The following KLF16 variants were observed in gnomAD, a reference collection of about 807,000 sequenced individuals.
KLF16 encodes the protein Krueppel-like factor 16.
A neutral mutation model predicts 6.1 loss-of-function variants in KLF16; 6 were observed. That is an observed-to-expected ratio of 0.98 (90% CI 0.54 to 1.93). KLF16 has a LOEUF of 1.93. Among genes scored for constraint, KLF16 ranks in the 30% most tolerant of loss-of-function variants. KLF16 has a pLI of 0.01. For synonymous variants in KLF16, 211 were observed against 176.5 expected, an observed-to-expected ratio of 1.20 and a Z score of -1.55; for missense variants, 355 against 363.8, an observed-to-expected ratio of 0.98 and a Z score of 0.20.
chr19:1,867,327 T>C (rs769625397), upstream of KLF16, among the ~76,000 whole-genome samples: 6 of 152,118 alleles, frequency 3.9e-5, no homozygotes, highest in Non-Finnish European at 8.8e-5. Context: ...CCCAACACTT[T>C]AGGGGGCTGA....
intron 1 of KLF16, among the ~76,000 whole-genome samples, chr19:1,856,953 GGT>G (rs750271725): frequency 0.038 from 4,930 of 130,174 alleles, 1,008 homozygotes; most frequent in Non-Finnish European, 0.047. Context: ...AGGTTGCCGG[GGT>G]GGGGGGGGCG....
In KLF16 at chr19:1,863,108, G is replaced by A. The variant is rs372967466; in HGVS notation, c.390C>T (p.Pro130=). ...AGTAGGCTTTGGCGCAGTCCGGGAA[G>A]GGACAGCGGTGGCTCTTGGCGGCGG... The part of the protein sequence containing the change: ...PSAAAKSHRC[P]FPDCAKAYYK... Residue 130 remains proline, a synonymous_variant, in exon 1 of 2, where the codon CCC becomes CCT. Coordinates refer to ENST00000250916, the MANE Select transcript of KLF16 (RefSeq NM_031918.4). The A allele has an allele frequency of 5.8e-6, 8 of 1,374,992 alleles. No homozygotes were observed. In the African/African-American group the frequency reaches 1.1e-4, roughly 18 times the overall value. 85.2% of individuals were successfully genotyped at this position (1,374,992 alleles called of 1,614,324 possible). A position where few individuals can be genotyped will look rare whatever the true frequency, so the allele number is the denominator to read the frequency against.
chr19:1,869,146 G>A, the KLF16 span, among the ~76,000 whole-genome samples: 2 of 152,166 alleles, frequency 1.3e-5, no homozygotes, highest in Non-Finnish European at 2.9e-5. Flanking sequence ...GGAACAGAGA[G>A]CCCGGGGTTT....
the KLF16 span, among the ~76,000 whole-genome samples, chr19:1,874,374 A>G: frequency 6.6e-6 from 1 of 152,196 alleles, no homozygotes; most frequent in African/African-American, 2.4e-5. Flanking sequence ...AGTGGGGAAA[A>G]GAATGCTTTT....
In KLF16 at chr19:1,854,628, G is replaced by T. The variant is rs2145362643; in HGVS notation, c.590C>A (p.Thr197Asn). Residue 197 changes from threonine to asparagine, a missense_variant, in exon 2 of 2, where the codon ACC becomes AAC. By Grantham distance (65) the Thr-to-Asn change is moderately conservative. Coordinates refer to ENST00000250916, the MANE Select transcript of KLF16 (RefSeq NM_031918.4). ...FSCPLCSKRFTRSDHLAKHAR... is the reference protein window; with the variant it reads ...FSCPLCSKRFNRSDHLAKHAR... ...GTGCTTGGCCAGGTGGTCACTGCGG[G>T]TGAAGCGCTTGGAGCACAGAGGGCA... 6.3e-7 allele frequency: 1 copy of T among 1,598,974 alleles called. No homozygotes were observed.
upstream of KLF16, among the ~76,000 whole-genome samples, chr19:1,864,723 C>T (rs529446459): frequency 3.9e-5 from 6 of 152,332 alleles, no homozygotes; most frequent in South Asian, 1.2e-3. Flanking sequence ...TTCGGGCCTC[C>T]CGGCCGCGAG....
At position 1,854,684 on chromosome 19, in the gene KLF16, G is replaced by T; in HGVS notation, c.534C>A (p.His178Gln). ...FARSDELARH[H>Q]RTHTGEKRFS... The stretch of plus-strand genomic sequence containing the variant: ...AGCGCTTCTCGCCCGTGTGCGTCCG[G>T]TGGTGGCGGGCCAGCTCGTCGGAGC... The change falls in exon 2 of 2, where the codon CAC becomes CAA. Residue 178 changes from histidine (H) to glutamine (Q), a missense_variant. Physicochemically the swap from His to Gln is conservative, Grantham distance 24 (BLOSUM62 0). Transcript: ENST00000250916. 1 of 1,600,634 alleles carries T rather than the reference G, an allele frequency of 6.2e-7. No individual in the cohort carries two copies. The highest frequency in any genetic ancestry group is 8.5e-7 in the Non-Finnish European group (1 of 1,179,634).
chr19:1,857,444 G>A lies in KLF16; in HGVS notation c.458-2684C>T, dbSNP rs1404177903. ...GGGAGGGCAGTGTGGGCGGGGCCGC[G>A]GTGGACTTGACCCTCTGACTCAGGC... On this transcript the variant is annotated intron_variant, in intron 1 of 1. Coordinates refer to ENST00000250916, the MANE Select transcript of KLF16 (RefSeq NM_031918.4). This position sits in a 1 kb window ranked among gnomAD's most constrained non-coding sequence, Gnocchi z 4.7. Among the ~76,000 whole-genome samples, 3 of 152,224 alleles carry A rather than the reference G, an allele frequency of 2.0e-5. No homozygotes were observed. Among genetic ancestry groups the A allele is most frequent in the African/African-American group, 7.2e-5 (3 of 41,468 alleles).
At chr19:1,873,989 CG>C in the KLF16 span, among the ~76,000 whole-genome samples, 1 of 152,228 alleles carries the variant, frequency 6.6e-6, no homozygotes, top group Non-Finnish European at 1.5e-5. Flanking sequence ...CATCGCGCAC[CG>C]TGAATATCCA....
upstream of KLF16, among the ~76,000 whole-genome samples, chr19:1,864,958 G>C (rs1484899750): frequency 2.6e-5 from 4 of 152,200 alleles, no homozygotes; most frequent in African/African-American, 7.2e-5. Context: ...CCTGCTCTGG[G>C]TTGGGCATGG....
At chr19:1,874,529 C>G in the KLF16 span, among the ~76,000 whole-genome samples, 2 of 151,520 alleles carry the variant, frequency 1.3e-5, no homozygotes, top group Admixed American at 6.6e-5. Context: ...AAGAAAATCT[C>G]AAATGTTTTA....
At chr19:1,873,167 TC>T in the KLF16 span, among the ~76,000 whole-genome samples, 1 of 152,000 alleles carries the variant, frequency 6.6e-6, no homozygotes, top group African/African-American at 2.4e-5. Flanking sequence ...GCCGGGTGGG[TC>T]CCACCAGCTT....
At chr19:1,862,903 G>T in intron 1 of KLF16, 138 bp downstream of exon 1, 1 of 264,968 alleles carries the variant, frequency 3.8e-6, no homozygotes. Context: ...CCGAGGCCCC[G>T]CCCTGCCGGC....
rs1224092985 is a variant in KLF16, at chr19:1,863,578, G to A, written c.-81C>T. 17 of 660,602 alleles carry A rather than the reference G, an allele frequency of 2.6e-5. No homozygotes were observed. Among genetic ancestry groups the A allele is most frequent in the Non-Finnish European group, 3.1e-5 (17 of 540,396 alleles). 40.9% of individuals were successfully genotyped at this position (660,602 alleles called of 1,614,324 possible). A position where few individuals can be genotyped will look rare whatever the true frequency, so the allele number is the denominator to read the frequency against. On this transcript the variant is annotated 5_prime_UTR_variant, in exon 1 of 2. Coordinates refer to ENST00000250916, the MANE Select transcript of KLF16 (RefSeq NM_031918.4). Reference sequence around the variant, plus strand: ...CGTCCGGCCGGCGGCGGCTGCTCGAGTGCGGGAGGCGGAGGAGGAGGAGGA... The same window carrying A: ...CGTCCGGCCGGCGGCGGCTGCTCGAATGCGGGAGGCGGAGGAGGAGGAGGA...
chr19:1,865,802 G>C (rs1174313991), upstream of KLF16, among the ~76,000 whole-genome samples: 2 of 152,220 alleles, frequency 1.3e-5, no homozygotes, highest in Non-Finnish European at 2.9e-5. Context: ...CCCCTGCGGT[G>C]AACACAGACA....
the KLF16 span, among the ~76,000 whole-genome samples, chr19:1,871,526 C>T: frequency 6.6e-6 from 1 of 152,208 alleles, no homozygotes; most frequent in Non-Finnish European, 1.5e-5. Context: ...TGGTGATAGC[C>T]TTTATTTACA....
At chr19:1,854,924 C>T (rs1438921668) in intron 1 of KLF16, among the ~76,000 whole-genome samples, 164 bp from the exon 2 acceptor site, 1 of 151,724 alleles carries the variant, frequency 6.6e-6, no homozygotes, top group Non-Finnish European at 1.5e-5. Flanking sequence ...GAATACAACC[C>T]TTACCCGCCC....
At chr19:1,854,933 C>A (rs907009537) in intron 1 of KLF16, among the ~76,000 whole-genome samples, 173 bp from the exon 2 acceptor site, 1 of 152,132 alleles carries the variant, frequency 6.6e-6, no homozygotes. Flanking sequence ...CCTTACCCGC[C>A]CCCCGGTGGC....
chr19:1,873,330 C>A, the KLF16 span, among the ~76,000 whole-genome samples: 2 of 152,306 alleles, frequency 1.3e-5, no homozygotes, highest in South Asian at 4.1e-4. Context: ...CAGCCCTGGG[C>A]ACCGCCCCAG....
Sources: allele counts gnomAD v4.1 joint callset (sites outside exome capture counted in the v4.1 genomes callset), GRCh38; gene constraint gnomAD v4.1.1; non-coding constraint Gnocchi (gnomAD v3.1); transcripts MANE v1.5; gene names NCBI Gene and HGNC (gene_info 2026-07-23, HGNC 2026-07-21).